The following SUPT3H variants were observed in gnomAD, a reference collection of about 807,000 sequenced individuals.
The protein encoded by SUPT3H is transcription initiation protein SPT3 homolog.
In SUPT3H, 44 loss-of-function variants were observed where a neutral mutation model predicts 44.3. The observed-to-expected ratio is 0.99, with a 90% CI of 0.78 to 1.28. SUPT3H has a LOEUF of 1.28. Ranked by LOEUF, SUPT3H falls within the 50% of genes most tolerant of loss-of-function variation. The pLI is 0.00. For missense variants in SUPT3H, 380 were observed against 387.1 expected (o/e 0.98, Z 0.15); for synonymous variants, 124 against 125.6 (o/e 0.99, Z 0.09).
intron 2 of SUPT3H, among the ~76,000 whole-genome samples, chr6:45,176,788 C>T (rs1366064253): frequency 6.6e-6 from 1 of 152,214 alleles, no homozygotes; most frequent in South Asian, 2.1e-4. Context: ...AGCAGCCTAA[C>T]TAGGAGGCAC....
At chr6:44,891,589 T>G (rs1003433695) in intron 10 of SUPT3H, among the ~76,000 whole-genome samples, 3 of 151,942 alleles carry the variant, frequency 2.0e-5, no homozygotes, top group African/African-American at 7.2e-5. Flanking sequence ...TATTAGGGAT[T>G]GGGGTTGGGG....
At chr6:44,949,980 A>C (rs1471996471) in intron 9 of SUPT3H, among the ~76,000 whole-genome samples, 2 of 152,244 alleles carry the variant, frequency 1.3e-5, no homozygotes, top group African/African-American at 2.4e-5. Flanking sequence ...AGACTTGTAC[A>C]GTAATATTCA....
At chr6:45,225,450 AC>A (rs1227004623) in intron 2 of SUPT3H, among the ~76,000 whole-genome samples, 1 of 152,128 alleles carries the variant, frequency 6.6e-6, no homozygotes, top group African/African-American at 2.4e-5. Context: ...AAGAATCAAC[AC>A]CAAATCTTTA....
chr6:44,826,459 T>A (rs925284154), downstream of SUPT3H, among the ~76,000 whole-genome samples: 1 of 152,208 alleles, frequency 6.6e-6, no homozygotes, highest in Non-Finnish European at 1.5e-5. Context: ...TGCAGAGTGT[T>A]TATGTACTAT....
chr6:45,319,402 T>C lies in SUPT3H; in HGVS notation c.101+45799A>G, dbSNP rs545808855. 3.3e-5 allele frequency among the ~76,000 whole-genome samples: 5 copies of C among 152,284 alleles called. No homozygotes were observed. The South Asian group carries it at 1.0e-3, about 32-fold the overall frequency. On this transcript the variant is annotated intron_variant, in intron 2 of 10. Coordinates refer to ENST00000371459, the MANE Select transcript of SUPT3H (RefSeq NM_003599.4). ...ATTACTTGAGACATATTCTTGCCGG[T>C]ATATCTAATAATTAGAATTGCTTAA...
chr6:44,848,399 C>G (rs1284411807), intron 10 of SUPT3H, among the ~76,000 whole-genome samples: 1 of 152,174 alleles, frequency 6.6e-6, no homozygotes, highest in Non-Finnish European at 1.5e-5. Flanking sequence ...CCCACTGGCA[C>G]CAATTAATTT....
intron 2 of SUPT3H, among the ~76,000 whole-genome samples, chr6:45,142,609 G>A (rs968120338): frequency 6.6e-5 from 10 of 151,780 alleles, no homozygotes; most frequent in African/African-American, 2.2e-4. Context: ...GGTGGTGCAT[G>A]CCTGTAATCT....
chr6:45,164,249 T>A (rs1364514199), intron 2 of SUPT3H, among the ~76,000 whole-genome samples: 1 of 152,126 alleles, frequency 6.6e-6, no homozygotes. Context: ...AAAAGTCAGT[T>A]AACACTCTGA....
At chr6:45,119,803 C>T (rs910822813) in intron 2 of SUPT3H, among the ~76,000 whole-genome samples, 1 of 150,558 alleles carries the variant, frequency 6.6e-6, no homozygotes, top group African/African-American at 2.4e-5. Context: ...CATTTGGGGC[C>T]AAGTAAAAAA....
chr6:45,256,286 A>T (rs113862606), intron 2 of SUPT3H, among the ~76,000 whole-genome samples: 3,091 of 152,320 alleles, frequency 0.02, 42 homozygotes, highest in Non-Finnish European at 0.032. Flanking sequence ...ACAGAAATTT[A>T]TTTCTCACCA....
chr6:45,064,876 C>G (rs1792957423), intron 3 of SUPT3H, among the ~76,000 whole-genome samples: 2 of 146,056 alleles, frequency 1.4e-5, no homozygotes, highest in South Asian at 4.6e-4. Context: ...CTTTAACACC[C>G]CACTGTCAAC....
At position 45,233,529 on chromosome 6, in the gene SUPT3H, G is replaced by C. The variant is rs534127871; in HGVS notation, c.102-127523C>G. Among the ~76,000 whole-genome samples the C allele has an allele frequency of 7.9e-5, 12 of 152,316 alleles. No homozygotes were observed. The South Asian group carries it at 2.5e-3, about 32-fold the overall frequency. On this transcript the variant is annotated intron_variant, in intron 2 of 10. Transcript: ENST00000371459. The stretch of plus-strand genomic sequence containing the variant: ...CTGGTTCCAACCACAGTACTGTGCA[G>C]TGGCAATGTTAACTGCTGAGGTTCT...
chr6:45,243,351 G>A (rs561354927), intron 2 of SUPT3H, among the ~76,000 whole-genome samples: 1 of 151,782 alleles, frequency 6.6e-6, no homozygotes, highest in African/African-American at 2.4e-5. Context: ...TCACTGCACA[G>A]CTTAACAAAG....
At chr6:45,090,066 T>C (rs1219275706) in intron 3 of SUPT3H, among the ~76,000 whole-genome samples, 1 of 152,078 alleles carries the variant, frequency 6.6e-6, no homozygotes, top group South Asian at 2.1e-4. Context: ...TATCAACCAA[T>C]AGCTGAATTT....
At chr6:45,231,615 CT>C (rs1235908062) in intron 2 of SUPT3H, among the ~76,000 whole-genome samples, 2 of 152,116 alleles carry the variant, frequency 1.3e-5, no homozygotes, top group Non-Finnish European at 2.9e-5. Context: ...ACTAGGCTTT[CT>C]GTATCTGGAT....
chr6:45,038,201 T>C (rs1016845255), intron 3 of SUPT3H, among the ~76,000 whole-genome samples: 4 of 152,214 alleles, frequency 2.6e-5, no homozygotes, highest in Non-Finnish European at 4.4e-5. Context: ...GTTTTACTTA[T>C]GCTATGAATA....
At chr6:44,994,909 C>A (rs999756793) in intron 6 of SUPT3H, among the ~76,000 whole-genome samples, 2 of 151,430 alleles carry the variant, frequency 1.3e-5, no homozygotes, top group African/African-American at 4.9e-5. Flanking sequence ...TCCCTAGCTG[C>A]TTAATTTTGT....
intron 9 of SUPT3H, among the ~76,000 whole-genome samples, chr6:44,942,484 G>A (rs1032138282): frequency 3.3e-5 from 5 of 152,156 alleles, no homozygotes; most frequent in African/African-American, 1.2e-4. Flanking sequence ...CTTGATAAAC[G>A]AGATGCCAGA....
At chr6:45,073,065 A>C (rs1008498682) in intron 3 of SUPT3H, among the ~76,000 whole-genome samples, 1 of 152,114 alleles carries the variant, frequency 6.6e-6, no homozygotes, top group Admixed American at 6.6e-5. Flanking sequence ...TTCTCCGTTA[A>C]AGTCTATTTC....
Sources: gnomAD v4.1 joint callset for allele counts (sites outside exome capture counted in the v4.1 genomes callset) on GRCh38, gnomAD v4.1.1 for gene constraint, MANE v1.5 for transcripts, NCBI Gene and HGNC (gene_info 2026-07-23, HGNC 2026-07-21) for gene names.